Variants in CCDC158 observed in about 807,000 individuals in gnomAD.
CCDC158 encodes coiled-coil domain containing 158.
Under a neutral mutation model 138.6 loss-of-function variants are expected in CCDC158, and 116 were observed. That is an observed-to-expected ratio of 0.84 (90% CI 0.72 to 0.98). The LOEUF (loss-of-function observed/expected upper bound fraction) is 0.98, where lower values mean the gene tolerates loss of function less well. Among genes scored for constraint, CCDC158 ranks in the 50% least tolerant of loss-of-function variants. CCDC158 has a pLI of 0.00. For synonymous variants in CCDC158, 436 were observed against 442.4 expected (o/e 0.99, Z 0.18); for missense variants, 1,265 against 1,306.1 (o/e 0.97, Z 0.48).
At chr4:76,390,981 A>G (rs1015748468) in intron 4 of CCDC158, among the ~76,000 whole-genome samples, 2 of 152,072 alleles carry the variant, frequency 1.3e-5, no homozygotes, top group South Asian at 4.1e-4. Flanking sequence ...CAGATATATA[A>G]AGCAAATATT....
chr4:76,356,732 A>G (rs988823642), intron 14 of CCDC158: 1 of 152,232 alleles, frequency 6.6e-6, no homozygotes, highest in Non-Finnish European at 1.5e-5. Flanking sequence ...AAATCTTCTG[A>G]CATTAAAAAA....
chr4:76,344,750 C>T (rs113651135), intron 18 of CCDC158: 1 of 1,613,116 alleles, frequency 6.2e-7, no homozygotes, highest in African/African-American at 1.3e-5. Flanking sequence ...AAACAACAGA[C>T]TATGCTGGGC....
chr4:76,344,538 G>A, intron 18 of CCDC158: 2 of 940,136 alleles, frequency 2.1e-6, no homozygotes, highest in Non-Finnish European at 3.5e-6. Flanking sequence ...CAGCTGGGAA[G>A]CTGATGAATA....
intron 18 of CCDC158, among the ~76,000 whole-genome samples, chr4:76,346,511 A>C (rs559664358): frequency 3.3e-4 from 50 of 152,204 alleles, no homozygotes; most frequent in Non-Finnish European, 6.3e-4. Flanking sequence ...AGAGATTGAG[A>C]CCATCCTGGC....
chr4:76,384,566 C>T lies in CCDC158; in HGVS notation c.388G>A (p.Ala130Thr). 2 of 1,610,564 alleles carry T rather than the reference C, an allele frequency of 1.2e-6. No homozygotes were observed. The highest frequency in any genetic ancestry group is 2.7e-5 in the African/African-American group (2 of 74,916). The stretch of plus-strand genomic sequence containing the variant: ...TTCACAAATCCCAACCTGATGTCAG[C>T]CATAGCATCTCTCTCCATTTGCATC... ...QEMQMERDAM[A>T]DIRRRESQSQ... The change falls in exon 5 of 25, where the codon GCT becomes ACT. Residue 130 changes from alanine (A) to threonine (T), a missense_variant. By Grantham distance (58) the Ala-to-Thr change is moderately conservative. Transcript: ENST00000682701.
At chr4:76,365,892 AG>A (rs1284147595) in intron 12 of CCDC158, among the ~76,000 whole-genome samples, 1 of 152,212 alleles carries the variant, frequency 6.6e-6, no homozygotes, top group Non-Finnish European at 1.5e-5. Flanking sequence ...ACCACTGCAC[AG>A]TAACATCTAC....
In CCDC158 at chr4:76,326,033, T is replaced by C. The variant is rs763921357; in HGVS notation, c.3011-18A>G. The C allele has an allele frequency of 6.3e-7, 1 of 1,597,574 alleles. No individual in the cohort carries two copies. On this transcript the variant is annotated intron_variant, in intron 22 of 24. Transcript: ENST00000682701. ...TGGACTTGCTAAAAGTTTGCAAGAA[T>C]AAAAGTAAAAGGACAGAATTAATTA...
chr4:76,316,647 G>C (rs929738658), intron 24 of CCDC158, among the ~76,000 whole-genome samples: 1 of 152,008 alleles, frequency 6.6e-6, no homozygotes, highest in Non-Finnish European at 1.5e-5. Context: ...TCTCCACCTA[G>C]GCACACGGTC....
intron 24 of CCDC158, among the ~76,000 whole-genome samples, chr4:76,316,225 G>A (rs552782284): frequency 6.6e-6 from 1 of 152,118 alleles, no homozygotes; most frequent in East Asian, 1.9e-4. Flanking sequence ...TACAGAATAT[G>A]GATGAAAAAT....
intron 18 of CCDC158, chr4:76,344,642 A>G (rs1253427726): frequency 6.3e-7 from 1 of 1,579,330 alleles, no homozygotes; most frequent in African/African-American, 1.3e-5. Context: ...TCAAATTTAC[A>G]GTGCACACAA....
chr4:76,334,473 C>A (rs1036101762), intron 18 of CCDC158, among the ~76,000 whole-genome samples: 4 of 152,102 alleles, frequency 2.6e-5, no homozygotes, highest in Admixed American at 2.0e-4. Flanking sequence ...CTTACTATGT[C>A]ATTAAATATT....
chr4:76,399,016 T>G (rs568805758), intron 3 of CCDC158, among the ~76,000 whole-genome samples: 2 of 152,360 alleles, frequency 1.3e-5, no homozygotes, highest in African/African-American at 4.8e-5. Context: ...TTGACAGTAT[T>G]TATCTTAGAT....
At position 76,313,085 on chromosome 4, in the gene CCDC158, A is replaced by G. The variant is rs1719038882; in HGVS notation, c.*85T>C. On this transcript the variant is annotated 3_prime_UTR_variant, in exon 25 of 25. Transcript: ENST00000682701. The stretch of plus-strand genomic sequence containing the variant: ...TCTTTTATTAAATTTTCACATAAAA[A>G]GAAAAAGTACACAGGGCACTAATTA... 1.3e-6 allele frequency: 1 copy of G among 760,416 alleles called. No individual in the cohort carries two copies. The highest frequency in any genetic ancestry group is 3.3e-5 in the Admixed American group (1 of 30,358). The allele number at this position is 760,416 out of a possible 1,614,324, so 47.1% of individuals were successfully genotyped here. A position where few individuals can be genotyped will look rare whatever the true frequency, so the allele number is the denominator to read the frequency against.
intron 18 of CCDC158, chr4:76,344,898 G>A (rs1722397619): frequency 6.4e-7 from 1 of 1,552,270 alleles, no homozygotes; most frequent in Non-Finnish European, 8.9e-7. Flanking sequence ...CTAAGTGTTA[G>A]GTGGAAAAAT....
At chr4:76,367,103 G>A (rs1724746406) in intron 12 of CCDC158, among the ~76,000 whole-genome samples, 191 bp downstream of exon 12, 1 of 151,498 alleles carries the variant, frequency 6.6e-6, no homozygotes, top group Non-Finnish European at 1.5e-5. Flanking sequence ...CCATTTTCGA[G>A]TCATCCATTC....
chr4:76,353,764 G>A (rs1234871322), intron 15 of CCDC158, among the ~76,000 whole-genome samples: 1 of 152,082 alleles, frequency 6.6e-6, no homozygotes, highest in African/African-American at 2.4e-5. Context: ...CTGCGCTCAA[G>A]TCACTTAACA....
intron 7 of CCDC158, 68 bp downstream of exon 7, chr4:76,383,594 T>G: frequency 9.0e-7 from 1 of 1,116,522 alleles, no homozygotes; most frequent in Non-Finnish European, 1.4e-6. Context: ...TTTGGAATTG[T>G]GGCCGAAACA....
In CCDC158 at chr4:76,339,324, T is replaced by C. The variant is rs146355414; in HGVS notation, c.2665-5157A>G. On this transcript the variant is annotated intron_variant, in intron 18 of 24. Coordinates refer to ENST00000682701, the MANE Select transcript of CCDC158 (RefSeq NM_001394954.1). Reference sequence around the variant, plus strand: ...AGAGCTGATCCTGCCTGCTGCTACATACATTTGTCATGAACTTTTAGGAGA... The same window carrying C: ...AGAGCTGATCCTGCCTGCTGCTACACACATTTGTCATGAACTTTTAGGAGA... Among the ~76,000 whole-genome samples, 418 of 152,302 alleles carry C rather than the reference T, an allele frequency of 2.7e-3. 2 individuals are homozygous for C. Among genetic ancestry groups the C allele is most frequent in the African/African-American group, 9.1e-3 (379 of 41,556 alleles).
chr4:76,370,734 A>T (rs758258262), intron 10 of CCDC158, among the ~76,000 whole-genome samples: 1 of 152,184 alleles, frequency 6.6e-6, no homozygotes, highest in Non-Finnish European at 1.5e-5. Flanking sequence ...AACACTGAAA[A>T]ACATGCAAAT....
Sources: gnomAD v4.1 joint callset for allele counts (sites outside exome capture counted in the v4.1 genomes callset) on GRCh38, gnomAD v4.1.1 for gene constraint, MANE v1.5 for transcripts, NCBI Gene and HGNC (gene_info 2026-07-23, HGNC 2026-07-21) for gene names.